Variants in EYS observed in about 807,000 individuals in gnomAD.
EYS encodes EGF-like photoreceptor maintenance factor.
EYS carries 250 observed loss-of-function variants against 282.1 expected under a neutral mutation model. That is an observed-to-expected ratio of 0.89 (90% confidence interval 0.80 to 0.98). The LOEUF is 0.98. Among genes scored for constraint, EYS ranks in the 50% least tolerant of loss-of-function variants. The probability of loss-of-function intolerance (pLI) is 0.00; values close to 1 mark genes in which losing one functional copy is unlikely to be tolerated. For missense variants in EYS, 4,016 were observed against 3,709.0 expected (o/e 1.08, Z -2.15); for synonymous variants, 1,355 against 1,282.9 (o/e 1.06, Z -1.20).
intron 30 of EYS, among the ~76,000 whole-genome samples, chr6:64,275,120 C>T (rs926478417): frequency 6.6e-6 from 1 of 152,162 alleles, no homozygotes; most frequent in African/African-American, 2.4e-5. Flanking sequence ...GTTGATTTCA[C>T]TCAAATCTAT....
intron 33 of EYS, among the ~76,000 whole-genome samples, chr6:64,064,706 AAAG>A (rs1771304909): frequency 6.6e-6 from 1 of 152,214 alleles, no homozygotes; most frequent in Non-Finnish European, 1.5e-5. Flanking sequence ...ACTTAAAAGT[AAAG>A]AAGAAAATCA....
chr6:64,912,576 T>C lies in EYS; in HGVS notation c.2549A>G (p.Tyr850Cys). The C allele has an allele frequency of 9.7e-6, 15 of 1,551,260 alleles. No individual in the cohort carries two copies. Among genetic ancestry groups the C allele is most frequent in the Non-Finnish European group, 1.3e-5 (15 of 1,146,660 alleles). ...GTTATGAAGTAGGTCACAAAGGTTA[T>C]AGCGTTGGTGGCAAAATTGTCCAGT... ...LYTGQFCHQR[Y>C]NLCDLLHNPC... Residue 850 changes from tyrosine (Y) to cysteine (C), a missense_variant, in exon 16 of 43, where the codon TAT becomes TGT. Coordinates refer to ENST00000503581, the MANE Select transcript of EYS (RefSeq NM_001142800.2).
intron 40 of EYS, among the ~76,000 whole-genome samples, chr6:63,773,342 G>A (rs1769983210): frequency 1.3e-5 from 2 of 152,246 alleles, no homozygotes; most frequent in South Asian, 2.1e-4. Flanking sequence ...AAGCAACAGT[G>A]AGAGAAAAGC....
At chr6:65,214,583 G>A (rs1464860660) in intron 12 of EYS, among the ~76,000 whole-genome samples, 1 of 152,200 alleles carries the variant, frequency 6.6e-6, no homozygotes, top group Non-Finnish European at 1.5e-5. Context: ...TAGAAGTTGT[G>A]ACAAGCTATC....
At chr6:64,144,724 G>A (rs1774452426) in intron 31 of EYS, among the ~76,000 whole-genome samples, 1 of 152,168 alleles carries the variant, frequency 6.6e-6, no homozygotes, top group African/African-American at 2.4e-5. Context: ...AGGGAGGGCT[G>A]GGAAGAAGTG....
intron 12 of EYS, among the ~76,000 whole-genome samples, chr6:65,067,285 T>C (rs1463490134): frequency 1.3e-5 from 2 of 152,126 alleles, no homozygotes; most frequent in African/African-American, 4.8e-5. Context: ...CAGGATATTC[T>C]TTCTGAATAG....
intron 12 of EYS, among the ~76,000 whole-genome samples, chr6:65,141,616 A>C (rs1455096733): frequency 6.8e-6 from 1 of 147,878 alleles, no homozygotes; most frequent in Admixed American, 6.9e-5. Flanking sequence ...TTCAAACTGA[A>C]GTCAGTGAGT....
chr6:64,704,539 T>A (rs1044747936), intron 22 of EYS, among the ~76,000 whole-genome samples: 10 of 85,880 alleles, frequency 1.2e-4, no homozygotes, highest in African/African-American at 3.4e-4. Flanking sequence ...TATAATAATA[T>A]TATAATTATA....
At chr6:64,034,756 C>T (rs146830458) in intron 33 of EYS, among the ~76,000 whole-genome samples, 344 of 152,130 alleles carry the variant, frequency 2.3e-3, no homozygotes, top group African/African-American at 7.8e-3. Context: ...AGGAAATAAT[C>T]CATCTATGGC....
At chr6:63,812,766 G>A (rs1366648243) in intron 36 of EYS, among the ~76,000 whole-genome samples, 2 of 152,084 alleles carry the variant, frequency 1.3e-5, no homozygotes, top group Non-Finnish European at 2.9e-5. Context: ...GCTACTGGAT[G>A]AAGTTGTGAA....
chr6:64,294,853 T>A lies in EYS; in HGVS notation c.6191+12117A>T, dbSNP rs1325073019. Among the ~76,000 whole-genome samples the A allele has an allele frequency of 5.9e-5, 9 of 152,172 alleles. No homozygotes were observed. The South Asian group carries it at 6.2e-4, about 11-fold the overall frequency. On this transcript the variant is annotated intron_variant, in intron 30 of 42. Transcript: ENST00000503581. Reference sequence around the variant, plus strand: ...ACTTTATTCAAATATAAGTTATGAATTACATGCCTTTTTAATAAAGTGTAT... The same window carrying A: ...ACTTTATTCAAATATAAGTTATGAAATACATGCCTTTTTAATAAAGTGTAT...
At chr6:64,784,403 C>T (rs1351841728) in intron 22 of EYS, among the ~76,000 whole-genome samples, 1 of 151,244 alleles carries the variant, frequency 6.6e-6, no homozygotes, top group Admixed American at 6.6e-5. Flanking sequence ...TTTTTTAAAC[C>T]TTTTTATTTG....
At chr6:65,261,679 A>C (rs1369735661) in intron 12 of EYS, among the ~76,000 whole-genome samples, 1 of 152,070 alleles carries the variant, frequency 6.6e-6, no homozygotes, top group African/African-American at 2.4e-5. Context: ...GCTTGAGCCT[A>C]AGTTTTCTTA....
At chr6:63,830,590 T>C (rs1002807070) in intron 36 of EYS, among the ~76,000 whole-genome samples, 3 of 152,172 alleles carry the variant, frequency 2.0e-5, no homozygotes, top group Non-Finnish European at 4.4e-5. Context: ...CTATGTCTGA[T>C]TGGTGTACCT....
At chr6:65,496,839 T>A (rs1287705519) in intron 2 of EYS, among the ~76,000 whole-genome samples, 2 of 152,104 alleles carry the variant, frequency 1.3e-5, no homozygotes, top group Non-Finnish European at 1.5e-5. Context: ...CATTATGGTA[T>A]GCCATTATAT....
intron 34 of EYS, among the ~76,000 whole-genome samples, chr6:63,988,063 G>A (rs1448594827): frequency 6.6e-6 from 1 of 151,488 alleles, no homozygotes; most frequent in Non-Finnish European, 1.5e-5. Flanking sequence ...TTATCTTTGT[G>A]TATGTTATGG....
At chr6:65,146,992 C>A (rs1272460724) in intron 12 of EYS, among the ~76,000 whole-genome samples, 1 of 151,930 alleles carries the variant, frequency 6.6e-6, no homozygotes, top group Non-Finnish European at 1.5e-5. Flanking sequence ...TGGAATAGTG[C>A]ATTCTACTTT....
At chr6:63,949,138 A>G (rs1457993335) in intron 35 of EYS, among the ~76,000 whole-genome samples, 1 of 152,250 alleles carries the variant, frequency 6.6e-6, no homozygotes, top group Non-Finnish European at 1.5e-5. Flanking sequence ...ATCAATGGAC[A>G]CTTCAAAATC....
At chr6:64,845,893 A>G (rs1438074545) in intron 19 of EYS, among the ~76,000 whole-genome samples, 3 of 152,126 alleles carry the variant, frequency 2.0e-5, no homozygotes, top group African/African-American at 7.2e-5. Flanking sequence ...TAATACTTTT[A>G]TAAGTCTGCT....
Sources: gnomAD v4.1 joint callset for allele counts (sites outside exome capture counted in the v4.1 genomes callset) on GRCh38, gnomAD v4.1.1 for gene constraint, MANE v1.5 for transcripts, NCBI Gene and HGNC (gene_info 2026-07-23, HGNC 2026-07-21) for gene names.